The following KCTD1 variants were observed in gnomAD, a reference collection of about 807,000 sequenced individuals.
KCTD1 encodes the protein potassium channel tetramerization domain containing 1.
KCTD1 carries 24 observed loss-of-function variants against 66.0 expected under a neutral mutation model. The observed-to-expected ratio is 0.36, with a 90% CI of 0.26 to 0.51. KCTD1 has a LOEUF of 0.51. Ranked by LOEUF, KCTD1 falls within the 20% of genes least tolerant of loss-of-function variation. The pLI, the probability that KCTD1 is intolerant of heterozygous loss-of-function variation, is 0.95. For missense variants in KCTD1, 943 were observed against 1,205.2 expected, an observed-to-expected ratio of 0.78 and a Z score of 3.22; for synonymous variants, 511 against 517.2, an observed-to-expected ratio of 0.99 and a Z score of 0.16.
chr18:26,529,578 G>A (rs983762442), intron 1 of KCTD1, among the ~76,000 whole-genome samples: 4 of 152,104 alleles, frequency 2.6e-5, no homozygotes, highest in Non-Finnish European at 5.9e-5. Context: ...AGGAAAAGAA[G>A]AACCAAGAGA....
At chr18:26,610,310 T>C (rs932645937) in intron 1 of KCTD1, among the ~76,000 whole-genome samples, 24 of 152,182 alleles carry the variant, frequency 1.6e-4, no homozygotes, top group Non-Finnish European at 4.4e-5. Flanking sequence ...TGGTGGCTCA[T>C]GCCTGTAATC....
intron 1 of KCTD1, among the ~76,000 whole-genome samples, chr18:26,570,286 A>G (rs1986077147): frequency 6.6e-6 from 1 of 151,672 alleles, no homozygotes. Context: ...GAAATTTGGA[A>G]AAAGGCTTCT....
chr18:26,586,369 C>T (rs1009624911), intron 1 of KCTD1, among the ~76,000 whole-genome samples: 4 of 152,144 alleles, frequency 2.6e-5, no homozygotes, highest in Admixed American at 1.3e-4. Flanking sequence ...AATCAATAAG[C>T]GTTGCATGTG....
intron 2 of KCTD1, among the ~76,000 whole-genome samples, chr18:26,497,384 G>T (rs1163029883): frequency 6.6e-6 from 1 of 152,048 alleles, no homozygotes; most frequent in Non-Finnish European, 1.5e-5. Flanking sequence ...AGGGTTTGAA[G>T]CACCCCAGAA....
At chr18:26,542,436 A>G (rs943685969) in intron 1 of KCTD1, among the ~76,000 whole-genome samples, 1 of 152,234 alleles carries the variant, frequency 6.6e-6, no homozygotes, top group Non-Finnish European at 1.5e-5. Flanking sequence ...ACTAGTTTAC[A>G]TGTACGTTCC....
chr18:26,604,553 T>C (rs1483908353), intron 1 of KCTD1, among the ~76,000 whole-genome samples: 1 of 152,218 alleles, frequency 6.6e-6, no homozygotes, highest in Non-Finnish European at 1.5e-5. Context: ...CATGGAATAC[T>C]ATGCAGCCAT....
At chr18:26,463,764 T>C (rs1457108176) in intron 3 of KCTD1, among the ~76,000 whole-genome samples, 1 of 152,236 alleles carries the variant, frequency 6.6e-6, no homozygotes, top group East Asian at 1.9e-4. Context: ...CTCGAACTTC[T>C]GACCTCATGT....
intron 1 of KCTD1, among the ~76,000 whole-genome samples, chr18:26,504,239 A>G (rs1172303851): frequency 1.3e-5 from 2 of 151,824 alleles, no homozygotes; most frequent in African/African-American, 4.8e-5. Flanking sequence ...TCAGCTAACT[A>G]TTATTATTAT....
intron 1 of KCTD1, among the ~76,000 whole-genome samples, chr18:26,521,091 G>T (rs1983887605): frequency 6.6e-6 from 1 of 152,230 alleles, no homozygotes; most frequent in African/African-American, 2.4e-5. Flanking sequence ...GAGTGGGAGT[G>T]AAGGACAGGG....
chr18:26,479,681 G>C (rs373681434), intron 2 of KCTD1, among the ~76,000 whole-genome samples: 1 of 152,330 alleles, frequency 6.6e-6, no homozygotes, highest in African/African-American at 2.4e-5. Flanking sequence ...AAAAAGAAAC[G>C]CAGGGCTGCT....
At chr18:26,645,934 T>C (rs1339645343) in intron 1 of KCTD1, among the ~76,000 whole-genome samples, 2 of 152,236 alleles carry the variant, frequency 1.3e-5, no homozygotes, top group Admixed American at 1.3e-4. Context: ...TACTAAAGTT[T>C]AAGAATGACT....
At chr18:26,463,426 A>AG (rs1157008125) in intron 3 of KCTD1, among the ~76,000 whole-genome samples, 1 of 152,004 alleles carries the variant, frequency 6.6e-6, no homozygotes, top group East Asian at 1.9e-4. Context: ...AAAAAAAAAG[A>AG]GAAAAAAAAA....
intron 1 of KCTD1, among the ~76,000 whole-genome samples, chr18:26,593,487 G>C (rs535521525): frequency 1.8e-5 from 2 of 110,834 alleles, no homozygotes; most frequent in South Asian, 5.9e-4. Context: ...GGAGGAAGAA[G>C]ACAAGGAGGA....
At chr18:26,528,062 T>A (rs1452308443) in intron 1 of KCTD1, among the ~76,000 whole-genome samples, 1 of 152,110 alleles carries the variant, frequency 6.6e-6, no homozygotes, top group African/African-American at 2.4e-5. Flanking sequence ...AGACCCAGCA[T>A]GTTGCACAGA....
upstream of KCTD1, among the ~76,000 whole-genome samples, chr18:26,643,789 T>C (rs557576): frequency 0.71 from 107,371 of 152,062 alleles, 40,834 homozygotes; most frequent in East Asian, 0.9. Flanking sequence ...GATGAAACCC[T>C]GTCTCTACTA....
intron 1 of KCTD1, among the ~76,000 whole-genome samples, chr18:26,568,356 C>G (rs991164837): frequency 6.6e-5 from 10 of 152,110 alleles, no homozygotes; most frequent in African/African-American, 2.4e-4. Flanking sequence ...CCCATCTCAG[C>G]CTCTTGAGTA....
chr18:26,644,956 G>C (rs1394833027), upstream of KCTD1, among the ~76,000 whole-genome samples: 1 of 152,174 alleles, frequency 6.6e-6, no homozygotes, highest in Non-Finnish European at 1.5e-5. Flanking sequence ...CATGACAGTG[G>C]GTTGCCCACA....
chr18:26,509,380 GAATAT>G (rs199517967), intron 1 of KCTD1, among the ~76,000 whole-genome samples: 1,705 of 151,852 alleles, frequency 0.011, 31 homozygotes, highest in African/African-American at 0.039. Flanking sequence ...TTTTTTTTAA[GAATAT>G]AATAAAATTT....
intron 1 of KCTD1, among the ~76,000 whole-genome samples, chr18:26,521,141 G>GC (rs1262230950): frequency 6.6e-6 from 1 of 152,222 alleles, no homozygotes; most frequent in Non-Finnish European, 1.5e-5. Flanking sequence ...GAACCTCAGG[G>GC]CCCTGAAGGG....
Sources: allele counts gnomAD v4.1 joint callset (sites outside exome capture counted in the v4.1 genomes callset), GRCh38; gene constraint gnomAD v4.1.1; transcripts MANE v1.5; gene names NCBI Gene and HGNC (gene_info 2026-07-23, HGNC 2026-07-21).